The following ABI3BP variants were observed in gnomAD, a reference collection of about 807,000 sequenced individuals.
The protein encoded by ABI3BP is ABI family member 3 binding protein.
Under a neutral mutation model 268.6 loss-of-function variants are expected in ABI3BP, and 216 were observed. The ratio of observed to expected loss-of-function variants is 0.80; its 90% CI spans 0.72 to 0.90. The LOEUF is 0.90. ABI3BP is among the 40% of genes least tolerant of loss of function. The pLI, the probability that ABI3BP is intolerant of heterozygous loss-of-function variation, is 0.00. For synonymous variants in ABI3BP, 730 were observed against 730.0 expected (o/e 1.00, Z 0.00); for missense variants, 2,090 against 2,182.4 (o/e 0.96, Z 0.84).
Position 100,903,503 on chromosome 3 carries a change from T to C in ABI3BP, c.260-817A>G, listed in dbSNP as rs565740621. 5.6e-4 allele frequency among the ~76,000 whole-genome samples: 85 copies of C among 152,356 alleles called. 1 individual carries two copies. The highest frequency in any genetic ancestry group is 2.0e-3 in the African/African-American group (83 of 41,586). ...AAGCAACTCTACTGGATTAATGGAT[T>C]GATGAGTATTCTTTACAATGTTCCT... On this transcript the variant is annotated intron_variant, in intron 2 of 67. Transcript: ENST00000471714.
At chr3:100,822,117 T>C (rs890258972) in intron 38 of ABI3BP, among the ~76,000 whole-genome samples, 20 of 152,186 alleles carry the variant, frequency 1.3e-4, no homozygotes, top group Admixed American at 2.6e-4. Flanking sequence ...ACCAGTCTTG[T>C]ATTTGCACAG....
At chr3:100,806,062 AT>A (rs2097697298) in intron 50 of ABI3BP, among the ~76,000 whole-genome samples, 1 of 152,062 alleles carries the variant, frequency 6.6e-6, no homozygotes, top group Non-Finnish European at 1.5e-5. Context: ...GTCAAACTTT[AT>A]TGACTTATAA....
intron 9 of ABI3BP, among the ~76,000 whole-genome samples, chr3:100,874,570 T>C (rs1189165424): frequency 6.6e-6 from 1 of 152,166 alleles, no homozygotes; most frequent in Non-Finnish European, 1.5e-5. Context: ...TATTAGAAAG[T>C]TATACATATG....
In ABI3BP at chr3:100,850,495, C is replaced by T. The variant is rs373718686; in HGVS notation, c.1426+165G>A. ...AAATAAAATAGAGCCCTAAATGGAA[C>T]GTAAAAGATGACTGCATTTAAAATA... is the stretch of plus-strand genomic sequence containing the variant. On this transcript the variant is annotated intron_variant, in intron 16 of 67. Coordinates refer to ENST00000471714, the MANE Select transcript of ABI3BP (RefSeq NM_001375547.2). Among the ~76,000 whole-genome samples the T allele has an allele frequency of 6.1e-4, 92 of 151,514 alleles. 1 individual carries two copies. The South Asian group carries it at 0.012, about 20-fold the overall frequency.
At chr3:100,876,826 A>C (rs1581565359) in intron 6 of ABI3BP, among the ~76,000 whole-genome samples, 1 of 13,610 alleles carries the variant, frequency 7.3e-5, no homozygotes, top group Non-Finnish European at 3.1e-4. Context: ...CTAAAAATAC[A>C]AAAAAAAAAA....
chr3:100,955,984 T>C (rs2076686187), intron 1 of ABI3BP, among the ~76,000 whole-genome samples: 1 of 151,944 alleles, frequency 6.6e-6, no homozygotes, highest in Non-Finnish European at 1.5e-5. Flanking sequence ...GGTCAGGAGT[T>C]CGAGACCAGC....
At chr3:100,768,812 C>T (rs1402821300) in intron 62 of ABI3BP, among the ~76,000 whole-genome samples, 3 of 152,318 alleles carry the variant, frequency 2.0e-5, no homozygotes, top group African/African-American at 7.2e-5. Flanking sequence ...TCAGCATGCT[C>T]TTGGACTATC....
At chr3:100,862,023 C>T (rs1426674043) in intron 14 of ABI3BP, among the ~76,000 whole-genome samples, 3 of 152,166 alleles carry the variant, frequency 2.0e-5, no homozygotes, top group Non-Finnish European at 4.4e-5. Context: ...TACTGTTTTC[C>T]TGTCACTAAA....
intron 43 of ABI3BP, 40 bp from the exon 44 acceptor site, chr3:100,816,011 G>A: frequency 1.4e-6 from 2 of 1,392,206 alleles, no homozygotes; most frequent in African/African-American, 1.5e-5. Flanking sequence ...AAAGCTTAAA[G>A]ACTTTTTAAA....
chr3:100,941,420 C>T (rs1406092272), intron 1 of ABI3BP, among the ~76,000 whole-genome samples: 1 of 152,034 alleles, frequency 6.6e-6, no homozygotes, highest in Non-Finnish European at 1.5e-5. Context: ...AGGACATTTT[C>T]ATCACCAAAT....
At chr3:100,811,596 G>A in intron 47 of ABI3BP, 132 bp downstream of exon 47, 2 of 867,580 alleles carry the variant, frequency 2.3e-6, no homozygotes, top group Non-Finnish European at 3.5e-6. Flanking sequence ...AATGTTGGAA[G>A]CTGTAGCTCC....
chr3:100,815,447 G>A (rs755662359), intron 44 of ABI3BP, among the ~76,000 whole-genome samples: 47 of 152,092 alleles, frequency 3.1e-4, no homozygotes, highest in Non-Finnish European at 6.3e-4. Context: ...CAATGATTGA[G>A]GAGCCTGGAA....
chr3:100,945,390 C>G (rs1372357612), intron 1 of ABI3BP, among the ~76,000 whole-genome samples: 1 of 152,042 alleles, frequency 6.6e-6, no homozygotes, highest in East Asian at 1.9e-4. Context: ...TTTTATAGCT[C>G]AAACTCACAG....
intron 13 of ABI3BP, 115 bp downstream of exon 13, chr3:100,862,723 T>C: frequency 1.4e-6 from 1 of 708,908 alleles, no homozygotes; most frequent in South Asian, 2.2e-5. Flanking sequence ...AACCATTTGT[T>C]TGCCTAACTA....
chr3:100,766,888 C>T (rs1417387102), intron 62 of ABI3BP, among the ~76,000 whole-genome samples: 1 of 152,136 alleles, frequency 6.6e-6, no homozygotes, highest in Non-Finnish European at 1.5e-5. Flanking sequence ...AAAGATCTGG[C>T]AAGTTATATT....
chr3:100,896,151 G>T (rs939788577), intron 4 of ABI3BP, among the ~76,000 whole-genome samples: 2 of 152,036 alleles, frequency 1.3e-5, no homozygotes, highest in Non-Finnish European at 2.9e-5. Flanking sequence ...TGAAATTATC[G>T]ATTTTGAATA....
chr3:100,850,497 T>C (rs2098825271), intron 16 of ABI3BP, among the ~76,000 whole-genome samples, 163 bp downstream of exon 16: 2 of 152,208 alleles, frequency 1.3e-5, no homozygotes, highest in South Asian at 4.1e-4. Flanking sequence ...AAATGGAACG[T>C]AAAAGATGAC....
At chr3:100,819,309 T>C (rs960455646) in intron 40 of ABI3BP, among the ~76,000 whole-genome samples, 1 of 152,214 alleles carries the variant, frequency 6.6e-6, no homozygotes, top group Non-Finnish European at 1.5e-5. Context: ...TCTTCATCTT[T>C]AAGATTTTAA....
At chr3:100,773,996 A>T (rs1439878903) in intron 61 of ABI3BP, among the ~76,000 whole-genome samples, 2 of 152,194 alleles carry the variant, frequency 1.3e-5, no homozygotes, top group African/African-American at 4.8e-5. Context: ...TGGAAGTTAT[A>T]TATGGGTTAT....
Sources: allele counts gnomAD v4.1 joint callset (sites outside exome capture counted in the v4.1 genomes callset), GRCh38; gene constraint gnomAD v4.1.1; transcripts MANE v1.5; gene names NCBI Gene and HGNC (gene_info 2026-07-23, HGNC 2026-07-21).